DEAF1: variants seen among roughly 807,000 people sequenced by gnomAD.
DEAF1 encodes deformed epidermal autoregulatory factor 1 homolog.
In DEAF1, 53 loss-of-function variants were observed where a neutral mutation model predicts 58.9. The ratio of observed to expected loss-of-function variants is 0.90; its 90% CI spans 0.72 to 1.13. The LOEUF is 1.13. Among genes scored for constraint, DEAF1 ranks in the 50% most tolerant of loss-of-function variants. The pLI is 0.00. For missense variants in DEAF1, 685 were observed against 791.4 expected (o/e 0.87, Z 1.61); for synonymous variants, 385 against 340.4 (o/e 1.13, Z -1.44).
In DEAF1 at chr11:644,598, T is replaced by A; in HGVS notation, c.1650A>T (p.Ala550=). The A allele has an allele frequency of 2.5e-6, 4 of 1,613,254 alleles. No individual in the cohort carries two copies. The highest frequency in any genetic ancestry group is 3.4e-6 in the Non-Finnish European group (4 of 1,179,976). Residue 550 remains alanine, a synonymous_variant, in exon 12 of 12, where the codon GCA becomes GCT. Transcript: ENST00000382409. The surrounding 1 kb of genome is among the most constrained non-coding windows in gnomAD (Gnocchi z 4.3). ...CGQSAAVTVQ[A]DEVHVAESVM... ...CGCTTTCAGCCACGTGGACTTCGTC[T>A]GCCTGGACGGTGACAGCTGCTGACT...
chr11:646,292 T>C (rs1297346908), intron 11 of DEAF1: 4 of 146,170 alleles, frequency 2.7e-5, no homozygotes, highest in Non-Finnish European at 4.5e-5. Context: ...TACCTGGTAA[T>C]AGACTATAAA....
intron 5 of DEAF1, 70 bp downstream of exon 5, chr11:686,788 T>C (rs1052582127): frequency 1.6e-5 from 25 of 1,606,612 alleles, no homozygotes; most frequent in Non-Finnish European, 2.0e-5. Flanking sequence ...GCCCTCCCTC[T>C]GGCTGGGCCG....
intron 1 of DEAF1, chr11:703,477 C>T (rs1861593086): frequency 5.6e-6 from 7 of 1,257,532 alleles, no homozygotes; most frequent in Non-Finnish European, 7.0e-6. Flanking sequence ...CCCATGGGCC[C>T]CCAGGGCCGA....
chr11:668,350 T>A (rs920254859), intron 10 of DEAF1, among the ~76,000 whole-genome samples: 1 of 152,190 alleles, frequency 6.6e-6, no homozygotes, highest in African/African-American at 2.4e-5. Flanking sequence ...AATGACTGAA[T>A]AAAACTCTTT....
intron 10 of DEAF1, among the ~76,000 whole-genome samples, chr11:667,327 A>G (rs1207288318): frequency 7.7e-6 from 1 of 129,374 alleles, no homozygotes; most frequent in Non-Finnish European, 1.5e-5. Flanking sequence ...TCAAAAAAGA[A>G]AGAAAAAAGA....
chr11:705,763 C>T (rs1861685813), intron 1 of DEAF1, among the ~76,000 whole-genome samples: 1 of 152,176 alleles, frequency 6.6e-6, no homozygotes, highest in Non-Finnish European at 1.5e-5. Context: ...GAGGCTCTGA[C>T]CTCCCCAGGG....
chr11:704,512 C>T (rs1219110472), intron 1 of DEAF1: 3 of 1,287,916 alleles, frequency 2.3e-6, no homozygotes, highest in East Asian at 5.5e-5. Flanking sequence ...CCTCGGGCCA[C>T]CTCCCTCACC....
chr11:681,761 G>T (rs1054912556), intron 6 of DEAF1, among the ~76,000 whole-genome samples: 2 of 152,070 alleles, frequency 1.3e-5, no homozygotes, highest in African/African-American at 2.4e-5. Context: ...CTCCAGTGAG[G>T]AGACAGTGTC....
At chr11:695,553 G>A, upstream of DEAF1, 5 of 1,211,944 alleles carry the variant, frequency 4.1e-6, no homozygotes, top group Non-Finnish European at 5.2e-6. Context: ...CGCCGCCGGC[G>A]GAAGCCGAGT....
At position 695,172 on chromosome 11, in the gene DEAF1, G is replaced by C; in HGVS notation, c.-125C>G. 1.1e-6 allele frequency: 1 copy of C among 898,732 alleles called. No individual in the cohort carries two copies. Among genetic ancestry groups the C allele is most frequent in the Non-Finnish European group, 1.5e-6 (1 of 664,972 alleles). 55.7% of individuals were successfully genotyped at this position (898,732 alleles called of 1,614,324 possible). On this transcript the variant is annotated 5_prime_UTR_variant, in exon 1 of 12. Coordinates refer to ENST00000382409, the MANE Select transcript of DEAF1 (RefSeq NM_021008.4). ...CCGAGGCCGCCCGAAGCCGCCGCCC[G>C]AATAGGGACCGAAAAGGCAGCCAGC...
rs563083151 is a variant in DEAF1 at position 671,384 on chromosome 11, C to A, written c.1503+3152G>T. On this transcript the variant is annotated intron_variant, in intron 10 of 11. Coordinates refer to ENST00000382409, the MANE Select transcript of DEAF1 (RefSeq NM_021008.4). ...TACAGGTGCCCACCACCACACCCAGCTAATTTTTATATTTTTTTGTAGAGA... is the reference window on the plus strand; with the variant it reads ...TACAGGTGCCCACCACCACACCCAGATAATTTTTATATTTTTTTGTAGAGA... 9.9e-5 allele frequency among the ~76,000 whole-genome samples: 15 copies of A among 151,984 alleles called. No homozygotes were observed. In the South Asian group the frequency reaches 2.7e-3, roughly 27 times the overall value.
rs1371526011 is a variant in DEAF1 at position 679,796 on chromosome 11, G to A, written c.1018C>T (p.Gln340Ter). The A allele has an allele frequency of 1.2e-6, 2 of 1,613,804 alleles. No homozygotes were observed. Among genetic ancestry groups the A allele is most frequent in the Non-Finnish European group, 1.7e-6 (2 of 1,180,048 alleles). ...GTCAGTGCCCCCGAGGTCGTGATCT[G>A]TCCCGAGGGGGTCACGGTGACTGGA... ...ATTFTVTPSG[Q>*]ITTSGALTFD... The change falls in exon 8 of 12, where the codon CAG becomes TAG. Residue 340 changes from glutamine (Q) to a stop codon, truncating the protein, a stop_gained. Transcript: ENST00000382409. LOFTEE classifies it high-confidence loss of function.
intron 10 of DEAF1, among the ~76,000 whole-genome samples, chr11:661,573 G>A (rs1190465702): frequency 3.3e-5 from 5 of 152,042 alleles, no homozygotes. Flanking sequence ...AGCCAGGCGT[G>A]GTGGCAAGCG....
In DEAF1 at chr11:683,908, C is replaced by T. The variant is rs1296459949; in HGVS notation, c.870+990G>A. Among the ~76,000 whole-genome samples, 3 of 152,194 alleles carry T rather than the reference C, an allele frequency of 2.0e-5. No homozygotes were observed. The East Asian group carries it at 5.8e-4, about 29-fold the overall frequency. On this transcript the variant is annotated intron_variant, in intron 6 of 11. Coordinates refer to ENST00000382409, the MANE Select transcript of DEAF1 (RefSeq NM_021008.4). ...CCTGCAAATGATCTACCTGCAGGCT[C>T]AACTGCCAATGGGACCGACGTCTCC...
intron 6 of DEAF1, among the ~76,000 whole-genome samples, chr11:681,407 CTT>C (rs1860360643): frequency 9.3e-6 from 1 of 107,252 alleles, no homozygotes; most frequent in Non-Finnish European, 1.8e-5. Flanking sequence ...AATTTTCTTT[CTT>C]TCTTTTTTTT....
chr11:702,069 G>T (rs1012208881), intron 1 of DEAF1, among the ~76,000 whole-genome samples: 3 of 152,208 alleles, frequency 2.0e-5, no homozygotes, highest in Admixed American at 6.5e-5. Flanking sequence ...GGCCCCTCTT[G>T]TTCACATACA....
Position 674,720 on chromosome 11 carries a change from G to A in DEAF1, c.1319C>T (p.Ala440Val), listed in dbSNP as rs747498431. ...PPTPTKAAPPALVNGLELSEP... is the reference protein window; with the variant it reads ...PPTPTKAAPPVLVNGLELSEP... ...TGACAGCTCCAGCCCATTGACCAAC[G>A]CGGGAGGTGCCGCTTTGGTGGGAGT... Residue 440 changes from alanine (A) to valine (V), a missense_variant, in exon 10 of 12, where the codon GCG becomes GTG. This residue lies in a region of DEAF1 where 343 missense variants were observed against 379.8 expected (regional missense o/e 0.90). Transcript: ENST00000382409. The A allele has an allele frequency of 1.7e-5, 28 of 1,613,762 alleles. No homozygotes were observed. Among genetic ancestry groups the A allele is most frequent in the South Asian group, 3.3e-5 (3 of 91,090 alleles).
intron 7 of DEAF1, among the ~76,000 whole-genome samples, chr11:680,647 A>C (rs11246262): frequency 0.4 from 61,241 of 151,852 alleles, 13,430 homozygotes; most frequent in East Asian, 0.58. Flanking sequence ...AGAATCCCTC[A>C]CCAAGGACGC....
intron 1 of DEAF1, among the ~76,000 whole-genome samples, chr11:701,638 T>G (rs1329101988): frequency 6.6e-6 from 1 of 151,906 alleles, no homozygotes; most frequent in African/African-American, 2.4e-5. Flanking sequence ...TTCCATCTCC[T>G]GACCTCCTGA....
Sources: allele counts gnomAD v4.1 joint callset (sites outside exome capture counted in the v4.1 genomes callset), GRCh38; gene constraint gnomAD v4.1.1; regional missense constraint gnomAD v4.1.1; non-coding constraint Gnocchi (gnomAD v3.1); transcripts MANE v1.5; gene names NCBI Gene and HGNC (gene_info 2026-07-23, HGNC 2026-07-21).